The following NCOR2 variants were observed in gnomAD, a reference collection of about 807,000 sequenced individuals.
The protein encoded by NCOR2 is CTG repeat protein 26.
A neutral mutation model predicts 262.9 loss-of-function variants in NCOR2; 81 were observed. The ratio of observed to expected loss-of-function variants is 0.31; its 90% CI spans 0.26 to 0.37. The LOEUF (loss-of-function observed/expected upper bound fraction) is 0.37, where lower values mean the gene tolerates loss of function less well. Among genes scored for constraint, NCOR2 ranks in the 10% least tolerant of loss-of-function variants. The probability of loss-of-function intolerance (pLI) is 1.00; values close to 1 mark genes in which losing one functional copy is unlikely to be tolerated. For synonymous variants in NCOR2, 1,659 were observed against 1,559.3 expected, an observed-to-expected ratio of 1.06 and a Z score of -1.51; for missense variants, 3,385 against 3,621.4, an observed-to-expected ratio of 0.93 and a Z score of 1.68.
At chr12:124,451,428 A>G (rs2045526317) in intron 6 of NCOR2, among the ~76,000 whole-genome samples, 1 of 152,198 alleles carries the variant, frequency 6.6e-6, no homozygotes. Flanking sequence ...AGAAAGAAAA[A>G]TTGAGTCCTT....
At chr12:124,400,805 A>C in intron 14 of NCOR2, 132 bp from the exon 17 acceptor site, 1 of 1,179,144 alleles carries the variant, frequency 8.5e-7, no homozygotes, top group Non-Finnish European at 1.2e-6. Context: ...GCTAGGAAAG[A>C]GGGGGAGAGG....
intron 15 of NCOR2, among the ~76,000 whole-genome samples, chr12:124,398,595 C>T (rs2041823250): frequency 6.6e-6 from 1 of 152,232 alleles, no homozygotes; most frequent in African/African-American, 2.4e-5. Flanking sequence ...ACACAAGCTT[C>T]AGGTGGGCCG....
At chr12:124,515,490 T>A (rs2049683618) in intron 1 of NCOR2, among the ~76,000 whole-genome samples, 1 of 152,026 alleles carries the variant, frequency 6.6e-6, no homozygotes, top group African/African-American at 2.4e-5. Flanking sequence ...ATCATCCATA[T>A]CATAACTAGG....
chr12:124,361,856 G>A (rs1385067374), intron 22 of NCOR2, among the ~76,000 whole-genome samples: 1 of 152,272 alleles, frequency 6.6e-6, no homozygotes, highest in Non-Finnish European at 1.5e-5. Context: ...TGGCTTTGCT[G>A]GAAGAACCAC....
intron 4 of NCOR2, among the ~76,000 whole-genome samples, chr12:124,468,375 ATCATCC>A (rs2046620439): frequency 3.1e-5 from 1 of 32,470 alleles, no homozygotes; most frequent in Non-Finnish European, 5.6e-5. Context: ...CATCACCCCC[ATCATCC>A]TCATCCTCAT....
chr12:124,363,109 G>A (rs772430398), intron 21 of NCOR2, among the ~76,000 whole-genome samples: 1 of 152,272 alleles, frequency 6.6e-6, no homozygotes, highest in Non-Finnish European at 1.5e-5. Context: ...AGGATTCTGT[G>A]GGCCTCGGGG....
intron 30 of NCOR2, chr12:124,347,326 C>T: frequency 5.8e-6 from 1 of 171,616 alleles, no homozygotes; most frequent in African/African-American, 2.4e-5. Flanking sequence ...TGAGATCGTG[C>T]CACTGCACTC....
intron 7 of NCOR2, among the ~76,000 whole-genome samples, chr12:124,438,955 C>A: frequency 9.8e-6 from 1 of 102,520 alleles, no homozygotes; most frequent in African/African-American, 4.0e-5. Flanking sequence ...AGAGAGAGAC[C>A]CAGAGACAGA....
chr12:124,347,773 C>A (rs944043104), intron 30 of NCOR2, 52 bp downstream of exon 32: 3 of 1,536,762 alleles, frequency 2.0e-6, no homozygotes, highest in Admixed American at 2.0e-5. Context: ...CCGCGCCCTG[C>A]GTGACTGTAC....
intron 20 of NCOR2, among the ~76,000 whole-genome samples, chr12:124,366,228 C>T (rs369528946): frequency 1.3e-5 from 2 of 152,066 alleles, no homozygotes; most frequent in African/African-American, 4.8e-5. Flanking sequence ...ACAAAGCGTG[C>T]CCTGTCCGCA....
chr12:124,565,419 C>G (rs375133976), intron 1 of NCOR2, among the ~76,000 whole-genome samples: 7 of 152,172 alleles, frequency 4.6e-5, no homozygotes, highest in South Asian at 2.1e-4. Context: ...CTCCACCCCC[C>G]CTTCATTGCT....
chr12:124,467,064 A>C (rs1465188584), intron 4 of NCOR2, among the ~76,000 whole-genome samples: 2 of 109,780 alleles, frequency 1.8e-5, no homozygotes, highest in East Asian at 6.4e-4. Flanking sequence ...CCTCATCCTC[A>C]TCACCCCCAT....
chr12:124,536,136 G>A (rs528036236), upstream of NCOR2, among the ~76,000 whole-genome samples: 1 of 152,274 alleles, frequency 6.6e-6, no homozygotes, highest in South Asian at 2.1e-4. Flanking sequence ...CTGTCACTCA[G>A]GCTGGGGTGC....
intron 13 of NCOR2, among the ~76,000 whole-genome samples, chr12:124,412,794 T>C (rs571926325): frequency 6.6e-6 from 1 of 152,316 alleles, no homozygotes; most frequent in Admixed American, 6.5e-5. Flanking sequence ...CTCGGCCTTA[T>C]TGTGGGGTGA....
chr12:124,415,129 G>A (rs570735308), intron 13 of NCOR2, among the ~76,000 whole-genome samples: 1 of 152,272 alleles, frequency 6.6e-6, no homozygotes, highest in East Asian at 1.9e-4. Flanking sequence ...GGTAGTGGGT[G>A]GGGAGTGGTC....
intron 1 of NCOR2, among the ~76,000 whole-genome samples, chr12:124,494,602 C>T (rs899177028): frequency 9.2e-5 from 14 of 152,308 alleles, no homozygotes; most frequent in African/African-American, 4.8e-5. Context: ...ACAGGGCGGG[C>T]TCCCCAAAGA....
At chr12:124,493,496 A>C (rs1430355459) in intron 1 of NCOR2, among the ~76,000 whole-genome samples, 2 of 152,168 alleles carry the variant, frequency 1.3e-5, no homozygotes, top group African/African-American at 4.8e-5. Flanking sequence ...CCCCCACTTT[A>C]TGGGTGACAA....
At chr12:124,386,197 C>A (rs1204151241) in intron 16 of NCOR2, among the ~76,000 whole-genome samples, 1 of 152,108 alleles carries the variant, frequency 6.6e-6, no homozygotes, top group Non-Finnish European at 1.5e-5. Flanking sequence ...GAGGCCACTG[C>A]GCGGGAGTCT....
At chr12:124,365,334 C>T (rs942257263) in intron 20 of NCOR2, among the ~76,000 whole-genome samples, 3 of 152,190 alleles carry the variant, frequency 2.0e-5, no homozygotes, top group Admixed American at 6.5e-5. Context: ...CTACTGGCCT[C>T]GAGGTGAGAG....
Sources: gnomAD v4.1 joint callset for allele counts (sites outside exome capture counted in the v4.1 genomes callset) on GRCh38, gnomAD v4.1.1 for gene constraint, MANE v1.5 for transcripts, NCBI Gene and HGNC (gene_info 2026-07-23, HGNC 2026-07-21) for gene names.